COL21A1: variants seen among roughly 807,000 people sequenced by gnomAD.
COL21A1 encodes the protein collagen alpha-1(XXI) chain.
In COL21A1, 149 loss-of-function variants were observed where a neutral mutation model predicts 137.9. The ratio of observed to expected loss-of-function variants is 1.08; its 90% confidence interval spans 0.95 to 1.24. COL21A1 has a LOEUF of 1.24. Among genes scored for constraint, COL21A1 ranks in the 50% most tolerant of loss-of-function variants. The probability of loss-of-function intolerance (pLI) is 0.00; values close to 1 mark genes in which losing one functional copy is unlikely to be tolerated. For synonymous variants in COL21A1, 456 were observed against 391.5 expected, an observed-to-expected ratio of 1.16 and a Z score of -1.95; for missense variants, 1,167 against 1,158.4, an observed-to-expected ratio of 1.01 and a Z score of -0.11.
At chr6:56,185,411 G>A (rs529166632) in intron 1 of COL21A1, among the ~76,000 whole-genome samples, 117 of 147,080 alleles carry the variant, frequency 8.0e-4, no homozygotes, top group Admixed American at 1.4e-3. Flanking sequence ...TAAGTGGACA[G>A]GCGAAATGAA....
chr6:56,337,961 CTTTTTTT>C (rs200998969), intron 1 of COL21A1, among the ~76,000 whole-genome samples: 41 of 90,908 alleles, frequency 4.5e-4, no homozygotes, highest in Non-Finnish European at 1.1e-3. Flanking sequence ...CTTTTCTTTT[CTTTTTTT>C]TTTTTTTTTT....
chr6:56,356,816 C>T (rs1387691393), intron 1 of COL21A1, among the ~76,000 whole-genome samples: 1 of 152,170 alleles, frequency 6.6e-6, no homozygotes, highest in Non-Finnish European at 1.5e-5. Context: ...AAAGTTCAGT[C>T]TCCACAATAC....
chr6:56,225,596 T>G (rs1488460801), intron 1 of COL21A1, among the ~76,000 whole-genome samples: 2 of 152,026 alleles, frequency 1.3e-5, no homozygotes, highest in Non-Finnish European at 2.9e-5. Context: ...TGTGCTATTT[T>G]CAGGTACTCA....
At chr6:56,382,903 G>T (rs1279038094) in intron 1 of COL21A1, among the ~76,000 whole-genome samples, 6 of 152,130 alleles carry the variant, frequency 3.9e-5, no homozygotes, top group Admixed American at 3.9e-4. Flanking sequence ...CTGCCATATT[G>T]GTTGTGAACA....
At chr6:56,090,839 G>A (rs989485199) in intron 17 of COL21A1, among the ~76,000 whole-genome samples, 11 of 151,670 alleles carry the variant, frequency 7.3e-5, no homozygotes, top group Admixed American at 6.6e-4. Flanking sequence ...TGTGAAATTT[G>A]TAATAGCAGA....
intron 1 of COL21A1, among the ~76,000 whole-genome samples, chr6:56,389,610 C>T (rs2094025233): frequency 6.6e-6 from 1 of 152,058 alleles, no homozygotes; most frequent in Non-Finnish European, 1.5e-5. Context: ...GTGGATTCAA[C>T]CCAAATAAGA....
intron 1 of COL21A1, among the ~76,000 whole-genome samples, chr6:56,268,123 T>C (rs1763437680): frequency 6.6e-6 from 1 of 152,032 alleles, no homozygotes; most frequent in South Asian, 2.1e-4. Context: ...AGATGTGTGG[T>C]GAGAACTAAA....
chr6:56,101,467 C>T lies in COL21A1; in HGVS notation c.1812+5G>A, dbSNP rs1164342218. 4.4e-6 allele frequency: 7 copies of T among 1,588,310 alleles called. No homozygotes were observed. The highest frequency in any genetic ancestry group is 6.0e-6 in the Non-Finnish European group (7 of 1,164,294). On this transcript the variant is annotated splice_donor_5th_base_variant and intron_variant, in intron 17 of 29. Transcript: ENST00000244728. ...CTTTTAGAACTGAAATGAGAAGGTA[C>T]TCACAGGCTCTCCCCGTGTTCCATC... is the stretch of plus-strand genomic sequence containing the variant.
At chr6:56,387,776 C>T (rs1212313818) in intron 1 of COL21A1, among the ~76,000 whole-genome samples, 2 of 152,200 alleles carry the variant, frequency 1.3e-5, no homozygotes, top group African/African-American at 4.8e-5. Flanking sequence ...AGCAGAAGTC[C>T]TGGCTGGCTC....
At chr6:56,353,824 ATACT>A (rs534346897) in intron 1 of COL21A1, among the ~76,000 whole-genome samples, 1 of 152,358 alleles carries the variant, frequency 6.6e-6, no homozygotes, top group South Asian at 2.1e-4. Context: ...GAACAGAAGA[ATACT>A]TAAACATAAA....
intron 1 of COL21A1, among the ~76,000 whole-genome samples, chr6:56,366,009 T>C (rs1445815846): frequency 6.6e-6 from 1 of 152,188 alleles, no homozygotes; most frequent in Non-Finnish European, 1.5e-5. Context: ...AGAAATGCAA[T>C]CTTTGACTTA....
At chr6:56,097,676 T>C (rs908020295) in intron 17 of COL21A1, among the ~76,000 whole-genome samples, 2 of 147,854 alleles carry the variant, frequency 1.4e-5, no homozygotes, top group African/African-American at 5.0e-5. Flanking sequence ...AATCAGTGTC[T>C]GCTTGGCGAT....
At chr6:56,152,661 T>G (rs1775413923) in intron 10 of COL21A1, among the ~76,000 whole-genome samples, 1 of 151,976 alleles carries the variant, frequency 6.6e-6, no homozygotes, top group Non-Finnish European at 1.5e-5. Flanking sequence ...CTCCAGTGCT[T>G]CATGCATGGG....
chr6:56,118,458 A>G (rs1772140286), intron 16 of COL21A1, among the ~76,000 whole-genome samples: 1 of 152,108 alleles, frequency 6.6e-6, no homozygotes, highest in African/African-American at 2.4e-5. Context: ...CCAGTAAAGA[A>G]AAGCCTGGGA....
rs1376927492 is a variant in COL21A1, at chr6:56,073,079, TGAGTC to T, written c.1965+1148_1965+1152del. ...GATACAATTGACCTTCAACACAGTG[TGAGTC>T]AACAGTGTGGTGTATCTAATAAAAA... On this transcript the variant is annotated intron_variant, in intron 20 of 29. Transcript: ENST00000244728. Among the ~76,000 whole-genome samples the T allele has an allele frequency of 2.0e-5, 3 of 151,036 alleles. No homozygotes were observed. In the East Asian group the frequency reaches 5.9e-4, roughly 29 times the overall value.
At chr6:56,235,542 T>C (rs2152320732) in intron 1 of COL21A1, among the ~76,000 whole-genome samples, 1 of 152,084 alleles carries the variant, frequency 6.6e-6, no homozygotes, top group East Asian at 1.9e-4. Flanking sequence ...CTTTGATAGC[T>C]GTACTAGGCT....
At chr6:56,151,683 A>T (rs1212544237) in intron 10 of COL21A1, among the ~76,000 whole-genome samples, 1 of 152,180 alleles carries the variant, frequency 6.6e-6, no homozygotes, top group African/African-American at 2.4e-5. Flanking sequence ...TAGCTTATTG[A>T]GGGGGGTTGC....
chr6:56,069,041 C>T lies in COL21A1; in HGVS notation c.2091+5G>A, dbSNP rs2114083701. The T allele has an allele frequency of 6.3e-7, 1 of 1,595,866 alleles. No homozygotes were observed. The highest frequency in any genetic ancestry group is 2.3e-5 in the East Asian group (1 of 44,078). On this transcript the variant is annotated splice_donor_5th_base_variant and intron_variant, in intron 22 of 29. Coordinates refer to ENST00000244728, the MANE Select transcript of COL21A1 (RefSeq NM_030820.4). ...AGCGAACTGTATCTCCTAACCAATG[C>T]ATACCTTTTTTCCTTGAATCCCGGG... is the stretch of plus-strand genomic sequence containing the variant.
At chr6:56,384,795 A>T (rs562509572) in intron 1 of COL21A1, among the ~76,000 whole-genome samples, 1 of 152,328 alleles carries the variant, frequency 6.6e-6, no homozygotes, top group South Asian at 2.1e-4. Flanking sequence ...CTGTGGACTA[A>T]ATTCTGTACA....
Sources: allele counts gnomAD v4.1 joint callset (sites outside exome capture counted in the v4.1 genomes callset), GRCh38; gene constraint gnomAD v4.1.1; transcripts MANE v1.5; gene names NCBI Gene and HGNC (gene_info 2026-07-23, HGNC 2026-07-21).